The following LRP2 variants were observed in gnomAD, a reference collection of about 807,000 sequenced individuals.
LRP2 encodes low-density lipoprotein receptor-related protein 2.
Under a neutral mutation model 531.0 loss-of-function variants are expected in LRP2, and 172 were observed. The observed-to-expected ratio is 0.32, with a 90% CI of 0.29 to 0.37. The LOEUF is 0.37. LRP2 is among the 10% of genes least tolerant of loss of function. LRP2 has a pLI of 1.00. For missense variants in LRP2, 5,167 were observed against 5,868.3 expected (o/e 0.88, Z 3.90); for synonymous variants, 1,992 against 2,027.6 (o/e 0.98, Z 0.47).
At chr2:169,291,178 A>G (rs1683989742) in intron 7 of LRP2, among the ~76,000 whole-genome samples, 181 bp from the exon 8 acceptor site, 1 of 152,224 alleles carries the variant, frequency 6.6e-6, no homozygotes, top group African/African-American at 2.4e-5. Flanking sequence ...GATTCTAAGG[A>G]GAGGCATAAT....
intron 1 of LRP2, among the ~76,000 whole-genome samples, chr2:169,353,058 A>C (rs2544394): frequency 6.6e-6 from 1 of 152,170 alleles, no homozygotes; most frequent in African/African-American, 2.4e-5. Flanking sequence ...ATTTTTAAAA[A>C]ACACAGATTT....
chr2:169,341,954 C>A (rs1685574064), intron 1 of LRP2, among the ~76,000 whole-genome samples: 1 of 152,106 alleles, frequency 6.6e-6, no homozygotes, highest in South Asian at 2.1e-4. Context: ...CATTTAAGCC[C>A]AGACAATTCT....
chr2:169,260,725 A>G (rs140550935), intron 16 of LRP2, among the ~76,000 whole-genome samples: 1 of 152,190 alleles, frequency 6.6e-6, no homozygotes, highest in African/African-American at 2.4e-5. Flanking sequence ...AAGTCTCCCC[A>G]TAATTATTTA....
intron 1 of LRP2, among the ~76,000 whole-genome samples, chr2:169,356,364 C>T (rs565840764): frequency 1.3e-5 from 2 of 152,248 alleles, no homozygotes; most frequent in Admixed American, 1.3e-4. Flanking sequence ...AAGAAGATAC[C>T]AAAATACTGC....
At chr2:169,295,737 G>A (rs751178512) in intron 4 of LRP2, among the ~76,000 whole-genome samples, 1 of 152,190 alleles carries the variant, frequency 6.6e-6, no homozygotes, top group Non-Finnish European at 1.5e-5. Flanking sequence ...AATGTTCAAT[G>A]TTGCTATTAT....
chr2:169,273,280 A>G (rs1683468698), intron 14 of LRP2, among the ~76,000 whole-genome samples: 1 of 151,910 alleles, frequency 6.6e-6, no homozygotes, highest in Admixed American at 6.6e-5. Flanking sequence ...CCACTCTCCA[A>G]CAGACGGTGG....
chr2:169,174,201 C>G, intron 55 of LRP2, 37 bp from the exon 56 acceptor site: 1 of 1,613,802 alleles, frequency 6.2e-7, no homozygotes, highest in Non-Finnish European at 8.5e-7. Context: ...GCTTGGAAGG[C>G]ATCAAGAATG....
At chr2:169,157,781 C>A in intron 63 of LRP2, among the ~76,000 whole-genome samples, 1 of 152,000 alleles carries the variant, frequency 6.6e-6, no homozygotes, top group Non-Finnish European at 1.5e-5. Flanking sequence ...GCATCCAATT[C>A]TGGACTGCAC....
At chr2:169,338,711 G>A (rs959156405) in intron 1 of LRP2, among the ~76,000 whole-genome samples, 1 of 152,206 alleles carries the variant, frequency 6.6e-6, no homozygotes, top group African/African-American at 2.4e-5. Context: ...AGAAGGTTAA[G>A]AGACAAAGTC....
At chr2:169,297,539 A>C (rs1490334470) in intron 4 of LRP2, among the ~76,000 whole-genome samples, 2 of 152,180 alleles carry the variant, frequency 1.3e-5, no homozygotes, top group Non-Finnish European at 2.9e-5. Flanking sequence ...AAAGGTGAGA[A>C]TATCCTTCCT....
Position 169,226,549 on chromosome 2 carries a change from A to G in LRP2, c.5267T>C (p.Ile1756Thr). 1 of 1,613,114 alleles carries G rather than the reference A, an allele frequency of 6.2e-7. No individual in the cohort carries two copies. The highest frequency in any genetic ancestry group is 8.5e-7 in the Non-Finnish European group (1 of 1,179,220). The change falls in exon 32 of 79, where the codon ATT becomes ACT. Residue 1756 changes from isoleucine to threonine, a missense_variant. Coordinates refer to ENST00000649046, the MANE Select transcript of LRP2 (RefSeq NM_004525.3). ...CTCAGGATTAAGGGAGATTCCAAAA[A>G]TTATATGTTGCCTTACAGTTATTAA... ...PFLITVRQHI[I>T]FGISLNPEVK...
At chr2:169,231,051 T>C (rs1689379311) in intron 31 of LRP2, among the ~76,000 whole-genome samples, 1 of 152,084 alleles carries the variant, frequency 6.6e-6, no homozygotes, top group African/African-American at 2.4e-5. Flanking sequence ...CCCAGCACTT[T>C]GGGAGGCTAA....
At chr2:169,308,367 T>A (rs1004927505) in intron 3 of LRP2, among the ~76,000 whole-genome samples, 2 of 152,068 alleles carry the variant, frequency 1.3e-5, no homozygotes, top group African/African-American at 4.8e-5. Context: ...ATGTTATCCT[T>A]CCCCTCTCCC....
Position 169,206,321 on chromosome 2 carries a change from T to TGCACTTACCTGAAGC in LRP2, c.7384_7390+8dup, listed in dbSNP as rs587780382. 2.1e-4 allele frequency: 341 copies of TGCACTTACCTGAAGC among 1,613,552 alleles called. No homozygotes were observed. The highest frequency in any genetic ancestry group is 4.0e-4 in the Admixed American group (24 of 59,944). On this transcript the variant is annotated intron_variant, in intron 39 of 78. Transcript: ENST00000649046. ...CTTGCAGGACAAGCAGCACCTGGAG[T>TGCACTTACCTGAAGC]GCACTTACCTGAAGCAATGACAGTT... is the stretch of plus-strand genomic sequence containing the variant.
chr2:169,202,484 A>G (rs1211196377), intron 43 of LRP2, among the ~76,000 whole-genome samples: 1 of 152,188 alleles, frequency 6.6e-6, no homozygotes, highest in African/African-American at 2.4e-5. Flanking sequence ...TTTACAGATG[A>G]GATGTCTGAG....
chr2:169,352,916 A>T (rs1380345375), intron 1 of LRP2, among the ~76,000 whole-genome samples: 1 of 152,114 alleles, frequency 6.6e-6, no homozygotes, highest in Non-Finnish European at 1.5e-5. Context: ...ACAAATACCT[A>T]ATGCATGTGA....
At chr2:169,283,225 C>A (rs1301238374) in intron 9 of LRP2, among the ~76,000 whole-genome samples, 1 of 152,170 alleles carries the variant, frequency 6.6e-6, no homozygotes, top group Non-Finnish European at 1.5e-5. Context: ...GATAACTTTA[C>A]AGAAAATGCA....
In LRP2 at chr2:169,185,893, T is replaced by C; in HGVS notation, c.9455A>G (p.Asp3152Gly). 1 of 1,613,824 alleles carries C rather than the reference T, an allele frequency of 6.2e-7. No homozygotes were observed. The highest frequency in any genetic ancestry group is 1.3e-5 in the African/African-American group (1 of 74,892). The change falls in exon 50 of 79, where the codon GAT becomes GGT. Residue 3152 changes from aspartate (D) to glycine (G), a missense_variant. Asp to Gly is a moderately conservative substitution (Grantham distance 94). This residue lies in a region of LRP2 where 1,129 missense variants were observed against 1,362.7 expected (regional missense o/e 0.83). Coordinates refer to ENST00000649046, the MANE Select transcript of LRP2 (RefSeq NM_004525.3). ...AGGCATCTCTGTGCATTCATCAATATCAACACAAGTCCGCTTGTCAGACAT... is the reference window on the plus strand; with the variant it reads ...AGGCATCTCTGTGCATTCATCAATACCAACACAAGTCCGCTTGTCAGACAT... ...KLMSDKRTCVDIDECTEMPFV... is the reference protein window; with the variant it reads ...KLMSDKRTCVGIDECTEMPFV...
At chr2:169,273,365 T>C (rs1683472290) in intron 14 of LRP2, among the ~76,000 whole-genome samples, 1 of 152,110 alleles carries the variant, frequency 6.6e-6, no homozygotes, top group African/African-American at 2.4e-5. Flanking sequence ...CCTCCATGAT[T>C]AGAAATAATT....
Sources: gnomAD v4.1 joint callset for allele counts (sites outside exome capture counted in the v4.1 genomes callset) on GRCh38, gnomAD v4.1.1 for gene constraint, gnomAD v4.1.1 regional missense constraint, MANE v1.5 for transcripts, NCBI Gene and HGNC (gene_info 2026-07-23, HGNC 2026-07-21) for gene names.